Variants in SLC6A12 observed in about 807,000 individuals in gnomAD.
SLC6A12 encodes the protein sodium- and chloride-dependent betaine transporter.
In SLC6A12, 50 loss-of-function variants were observed where a neutral mutation model predicts 73.3. The ratio of observed to expected loss-of-function variants is 0.68; its 90% CI spans 0.54 to 0.86. SLC6A12 has a LOEUF of 0.86. Ranked by LOEUF, SLC6A12 falls within the 40% of genes least tolerant of loss-of-function variation. The probability of loss-of-function intolerance (pLI) is 0.00; values close to 1 mark genes in which losing one functional copy is unlikely to be tolerated. For synonymous variants in SLC6A12, 304 were observed against 309.2 expected, an observed-to-expected ratio of 0.98 and a Z score of 0.18; for missense variants, 648 against 772.8, an observed-to-expected ratio of 0.84 and a Z score of 1.92.
downstream of SLC6A12, among the ~76,000 whole-genome samples, chr12:187,449 G>A (rs116902454): frequency 2.6e-5 from 4 of 151,704 alleles, no homozygotes; most frequent in South Asian, 8.4e-4. Context: ...GGCGCGTCTG[G>A]AGTTTTTTTT....
rs1359221760 is a variant in SLC6A12 at position 190,639 on chromosome 12, G to C, written c.*429C>G. On this transcript the variant is annotated 3_prime_UTR_variant, in exon 16 of 16. Transcript: ENST00000684302. ...TGTGTTCAGTTGTCACTTCCAACAG[G>C]GTATTGTCCCATCAGGCTCTCCACA... The C allele has an allele frequency of 6.5e-6, 1 of 153,398 alleles. No homozygotes were observed. The highest frequency in any genetic ancestry group is 2.1e-4 in the South Asian group (1 of 4,830). 9.5% of individuals were successfully genotyped at this position (153,398 alleles called of 1,614,324 possible).
chr12:201,448 A>C, intron 6 of SLC6A12: 1 of 321,632 alleles, frequency 3.1e-6, no homozygotes, highest in Non-Finnish European at 5.9e-6. Flanking sequence ...AGACATGCAC[A>C]CTCAGCTCCC....
At position 209,993 on chromosome 12, in the gene SLC6A12, GT is replaced by G. The variant is rs1940837955; in HGVS notation, c.-8del. 1 of 1,613,748 alleles carries G rather than the reference GT, an allele frequency of 6.2e-7. No individual in the cohort carries two copies. The highest frequency in any genetic ancestry group is 8.5e-7 in the Non-Finnish European group (1 of 1,179,780). On this transcript the variant is annotated 5_prime_UTR_variant, in exon 3 of 16. Coordinates refer to ENST00000684302, the MANE Select transcript of SLC6A12 (RefSeq NM_001122848.3). Reference sequence around the variant, plus strand: ...CTGCCACCTTCCCGTCCATGGCTGTGTGGTGGGTTGGGAAGCCCCGCTGGGT... The same window carrying G: ...CTGCCACCTTCCCGTCCATGGCTGTGGGTGGGTTGGGAAGCCCCGCTGGGT...
At chr12:187,605 AAAAAAAAAAAAAAAAAAAAAAAAAAAC>A (rs1310158138), downstream of SLC6A12, among the ~76,000 whole-genome samples, 1,935 of 15,832 alleles carry the variant, frequency 0.12, 79 homozygotes, top group Non-Finnish European at 0.33. Context: ...AAAAAAAAAA[AAAAAAAAAAAAAAAAAAAAAAAAAAAC>A]AAACCACACA....
intron 4 of SLC6A12, 66 bp downstream of exon 4, chr12:204,498 G>C: frequency 6.7e-7 from 1 of 1,487,208 alleles, no homozygotes; most frequent in Non-Finnish European, 9.4e-7. Flanking sequence ...TAGGCAGGGA[G>C]AGACCATGGG....
At position 192,526 on chromosome 12, in the gene SLC6A12, T is replaced by A; in HGVS notation, c.1653A>T (p.Pro551=). ...TCAGGAGGGTGATGACGACGAAGAG[T>A]GGGACACAGACCATGGAGGACAGAG... ...FLALSSMVCV[P]LFVVITLLKT... The change falls in exon 15 of 16, where the codon CCA becomes CCT. Residue 551 remains proline (P), a synonymous_variant. Coordinates refer to ENST00000684302, the MANE Select transcript of SLC6A12 (RefSeq NM_001122848.3). 2 of 1,613,540 alleles carry A rather than the reference T, an allele frequency of 1.2e-6. No homozygotes were observed. Among genetic ancestry groups the A allele is most frequent in the Non-Finnish European group, 1.7e-6 (2 of 1,179,890 alleles).
At chr12:195,863 C>G (rs919000898) in intron 12 of SLC6A12, among the ~76,000 whole-genome samples, 24 of 152,288 alleles carry the variant, frequency 1.6e-4, no homozygotes, top group African/African-American at 5.5e-4. Context: ...ACACCGAAAC[C>G]CAGATATCCT....
At chr12:196,341 C>G in intron 11 of SLC6A12, 80 bp from the exon 12 acceptor site, 1 of 1,494,540 alleles carries the variant, frequency 6.7e-7, no homozygotes, top group African/African-American at 1.4e-5. Context: ...CTTCCCCTGG[C>G]TCATCCACAC....
At chr12:193,436 G>A in intron 13 of SLC6A12, 59 bp from the exon 14 acceptor site, 2 of 1,328,900 alleles carry the variant, frequency 1.5e-6, no homozygotes. Flanking sequence ...GCTTCCCGGT[G>A]TTTGGGAAAG....
At chr12:193,024 C>G in intron 14 of SLC6A12, 1 of 526,224 alleles carries the variant, frequency 1.9e-6, no homozygotes, top group South Asian at 2.6e-5. Flanking sequence ...ATCGAGAAAT[C>G]AGGCAGAAGC....
intron 5 of SLC6A12, among the ~76,000 whole-genome samples, chr12:202,289 T>C (rs1035269428): frequency 5.3e-5 from 8 of 152,146 alleles, no homozygotes; most frequent in African/African-American, 1.9e-4. Flanking sequence ...TCCCTCCCCT[T>C]GTTCTATGGT....
chr12:205,344 C>A (rs1169335978), intron 3 of SLC6A12, among the ~76,000 whole-genome samples: 1 of 152,184 alleles, frequency 6.6e-6, no homozygotes, highest in Non-Finnish European at 1.5e-5. Context: ...GTGAGAAGTT[C>A]ATCTCAGGGT....
rs1941000794 is a variant in SLC6A12, at chr12:213,773, C to CT, written c.-143+148dup. ...GAGAGTCGTGGGCATCAGACTTGCC[C>CT]TTTGGCCTGAGGTTATTGCAGGTCC... is the stretch of plus-strand genomic sequence containing the variant. On this transcript the variant is annotated intron_variant, in intron 1 of 15. Coordinates refer to ENST00000684302, the MANE Select transcript of SLC6A12 (RefSeq NM_001122848.3). This position sits in a 1 kb window ranked among gnomAD's most constrained non-coding sequence, Gnocchi z 5.3. The CT allele has an allele frequency of 2.6e-5, 4 of 152,652 alleles. No individual in the cohort carries two copies. The highest frequency in any genetic ancestry group is 9.6e-5 in the African/African-American group (4 of 41,462). The allele number at this position is 152,652 out of a possible 1,614,324, so 9.5% of individuals were successfully genotyped here.
chr12:186,926 C>A (rs980787439), downstream of SLC6A12, among the ~76,000 whole-genome samples: 9 of 152,196 alleles, frequency 5.9e-5, no homozygotes, highest in Non-Finnish European at 1.5e-5. Context: ...CCAGGACCCC[C>A]AACCACTGCC....
At chr12:205,524 C>T (rs534373078) in intron 3 of SLC6A12, among the ~76,000 whole-genome samples, 16 of 152,156 alleles carry the variant, frequency 1.1e-4, no homozygotes, top group Admixed American at 2.6e-4. Context: ...AAACTGAGGT[C>T]GCTTTAAAGA....
In SLC6A12 at chr12:198,699, C is replaced by A. The variant is rs1030764415; in HGVS notation, c.846+98G>T. On this transcript the variant is annotated intron_variant, in intron 8 of 15. Transcript: ENST00000684302. This position sits in a 1 kb window ranked among gnomAD's most constrained non-coding sequence, Gnocchi z 4.0. ...ATTTATCTCCAGTGGGCATTTATTG[C>A]TTTTAAACCAAGGAAAAAGCTATAC... The A allele has an allele frequency of 9.2e-7, 1 of 1,088,068 alleles. No individual in the cohort carries two copies. Among genetic ancestry groups the A allele is most frequent in the Admixed American group, 2.3e-5 (1 of 42,712 alleles). 67.4% of individuals were successfully genotyped at this position (1,088,068 alleles called of 1,614,324 possible). A position where few individuals can be genotyped will look rare whatever the true frequency, so the allele number is the denominator to read the frequency against.
chr12:196,748 A>G (rs1208160684), intron 11 of SLC6A12, 22 bp downstream of exon 11: 1 of 1,547,862 alleles, frequency 6.5e-7, no homozygotes, highest in Non-Finnish European at 8.9e-7. Flanking sequence ...ACGGCAGGGC[A>G]GGCTGGGCTG....
chr12:209,640 A>G lies in SLC6A12; in HGVS notation c.214+133T>C, dbSNP rs1940820321. ...AGGCTAGTAGTGGAGCTGGAACTCA[A>G]ACTCAAGTCCTCCAATTCCAAAATA... On this transcript the variant is annotated intron_variant, in intron 3 of 15. Coordinates refer to ENST00000684302, the MANE Select transcript of SLC6A12 (RefSeq NM_001122848.3). The G allele has an allele frequency of 3.3e-6, 3 of 907,940 alleles. No individual in the cohort carries two copies. The African/African-American group carries it at 4.9e-5, about 15-fold the overall frequency. 56.2% of individuals were successfully genotyped at this position (907,940 alleles called of 1,614,324 possible). A position where few individuals can be genotyped will look rare whatever the true frequency, so the allele number is the denominator to read the frequency against.
At chr12:204,784 C>A (rs1940542588) in intron 3 of SLC6A12, 86 bp from the exon 4 acceptor site, 1 of 1,447,420 alleles carries the variant, frequency 6.9e-7, no homozygotes, top group African/African-American at 1.4e-5. Flanking sequence ...CCCAACAAAC[C>A]CGCCCTCCAC....
Sources: gnomAD v4.1 joint callset for allele counts (sites outside exome capture counted in the v4.1 genomes callset) on GRCh38, gnomAD v4.1.1 for gene constraint, Gnocchi (gnomAD v3.1) non-coding constraint, MANE v1.5 for transcripts, NCBI Gene and HGNC (gene_info 2026-07-23, HGNC 2026-07-21) for gene names.